The following PCDH7 variants were observed in gnomAD, a reference collection of about 807,000 sequenced individuals.
PCDH7 encodes the protein protocadherin 7, also known as protocadherin-7.
In PCDH7, 17 loss-of-function variants were observed where a neutral mutation model predicts 58.9. That is an observed-to-expected ratio of 0.29 (90% CI 0.20 to 0.43). The LOEUF (loss-of-function observed/expected upper bound fraction) is 0.43. Ranked by LOEUF, PCDH7 falls within the 20% of genes least tolerant of loss-of-function variation. PCDH7 has a pLI of 1.00. For synonymous variants in PCDH7, 664 were observed against 616.4 expected, an observed-to-expected ratio of 1.08 and a Z score of -1.14; for missense variants, 1,274 against 1,441.0, an observed-to-expected ratio of 0.88 and a Z score of 1.88.
At chr4:30,911,008 T>A (rs910460255) in intron 1 of PCDH7, among the ~76,000 whole-genome samples, 1 of 152,094 alleles carries the variant, frequency 6.6e-6, no homozygotes, top group Admixed American at 6.6e-5. Flanking sequence ...GTTGTTTGCA[T>A]GGACATGGAT....
At chr4:30,973,200 T>C (rs1254435281) in intron 3 of PCDH7, among the ~76,000 whole-genome samples, 5 of 152,146 alleles carry the variant, frequency 3.3e-5, no homozygotes. Context: ...TGAAAAGACC[T>C]CTAGATTGAA....
chr4:31,061,727 A>G (rs1176391628), intron 3 of PCDH7, among the ~76,000 whole-genome samples: 1 of 151,736 alleles, frequency 6.6e-6, no homozygotes, highest in Non-Finnish European at 1.5e-5. Context: ...TTCTGGAATA[A>G]CTGCAACTCC....
At chr4:30,966,386 T>G (rs1748995530) in intron 3 of PCDH7, among the ~76,000 whole-genome samples, 1 of 152,272 alleles carries the variant, frequency 6.6e-6, no homozygotes, top group East Asian at 1.9e-4. Flanking sequence ...ATTTTTCTAA[T>G]TATTCATTAG....
chr4:30,813,798 C>T (rs1249041403), intron 1 of PCDH7, among the ~76,000 whole-genome samples: 2 of 152,166 alleles, frequency 1.3e-5, no homozygotes, highest in African/African-American at 4.8e-5. Flanking sequence ...CCTGCCACCA[C>T]ACCCGGCAAA....
intron 1 of PCDH7, among the ~76,000 whole-genome samples, chr4:30,847,089 C>T (rs1363896566): frequency 2.0e-5 from 3 of 151,754 alleles, no homozygotes; most frequent in African/African-American, 4.8e-5. Flanking sequence ...TACCACTGTA[C>T]TCCAGCCTAG....
chr4:31,065,297 G>A (rs1006238495), intron 3 of PCDH7, among the ~76,000 whole-genome samples: 11 of 151,962 alleles, frequency 7.2e-5, no homozygotes, highest in Admixed American at 2.0e-4. Flanking sequence ...GCAATTCTTC[G>A]GTGAGGTGGA....
At chr4:31,078,026 A>G (rs1759151787) in intron 3 of PCDH7, among the ~76,000 whole-genome samples, 1 of 152,158 alleles carries the variant, frequency 6.6e-6, no homozygotes, top group African/African-American at 2.4e-5. Context: ...TGGAGAAAAA[A>G]GCTGGCTTAT....
intron 1 of PCDH7, among the ~76,000 whole-genome samples, chr4:30,738,424 G>GT (rs1353400735): frequency 6.7e-6 from 1 of 150,358 alleles, no homozygotes; most frequent in Non-Finnish European, 1.5e-5. Flanking sequence ...AATTACTATC[G>GT]TTTTTGTGAA....
chr4:31,137,075 A>G (rs2109343044), intron 3 of PCDH7, among the ~76,000 whole-genome samples: 2 of 152,336 alleles, frequency 1.3e-5, no homozygotes, highest in South Asian at 4.1e-4. Context: ...TTTTTCACTG[A>G]TCTTTTGTTT....
chr4:31,098,728 A>G lies in PCDH7; in HGVS notation c.*8-43745A>G, dbSNP rs974672027. ...GCCTCTGACATGGAATAGATTAACT[A>G]GATATGTACAGTACATGGCCAGCAT... On this transcript the variant is annotated intron_variant, in intron 3 of 3. Transcript: ENST00000509759. Among the ~76,000 whole-genome samples the G allele has an allele frequency of 3.3e-5, 5 of 152,322 alleles. No homozygotes were observed. The East Asian group carries it at 7.7e-4, about 24-fold the overall frequency.
chr4:30,796,993 C>T (rs185695955), intron 1 of PCDH7, among the ~76,000 whole-genome samples: 30 of 150,854 alleles, frequency 2.0e-4, no homozygotes, highest in Admixed American at 1.7e-3. Flanking sequence ...TGGAGTCTGA[C>T]TCAGTAGCCC....
chr4:30,841,340 C>T (rs1731192194), intron 1 of PCDH7, among the ~76,000 whole-genome samples: 2 of 152,002 alleles, frequency 1.3e-5, no homozygotes, highest in Non-Finnish European at 2.9e-5. Context: ...CAAATTTCAT[C>T]TTGATATAAT....
chr4:30,982,027 G>T (rs1312566397), intron 3 of PCDH7, among the ~76,000 whole-genome samples: 1 of 152,106 alleles, frequency 6.6e-6, no homozygotes, highest in Non-Finnish European at 1.5e-5. Context: ...ACAATGTATC[G>T]TGTTCTTGAA....
chr4:30,724,174 G>T, exon 1 of PCDH7: 1 of 1,613,968 alleles, frequency 6.2e-7, no homozygotes, highest in Non-Finnish European at 8.5e-7. Context: ...CGGCAAAAAA[G>T]ATCACGAAGA....
At chr4:30,755,180 A>G (rs1350302830) in intron 1 of PCDH7, among the ~76,000 whole-genome samples, 1 of 152,140 alleles carries the variant, frequency 6.6e-6, no homozygotes, top group African/African-American at 2.4e-5. Context: ...GTGCCATCCT[A>G]TAATATTAAT....
chr4:30,829,282 G>A (rs998467246), intron 1 of PCDH7, among the ~76,000 whole-genome samples: 10 of 151,912 alleles, frequency 6.6e-5, no homozygotes, highest in African/African-American at 2.4e-4. Flanking sequence ...CATTCCACAA[G>A]CATTAATTAA....
At chr4:30,969,974 A>G (rs140046651) in intron 3 of PCDH7, among the ~76,000 whole-genome samples, 31 of 152,268 alleles carry the variant, frequency 2.0e-4, no homozygotes, top group African/African-American at 7.5e-4. Context: ...TGCTTGAATT[A>G]TGTGTTAATT....
At chr4:30,950,265 C>T (rs966016914) in intron 3 of PCDH7, 5 of 152,558 alleles carry the variant, frequency 3.3e-5, no homozygotes, top group Non-Finnish European at 7.3e-5. Context: ...CTGCATTCTC[C>T]ATTAATAGTC....
intron 3 of PCDH7, among the ~76,000 whole-genome samples, chr4:31,096,287 T>A (rs1713969634): frequency 6.6e-6 from 1 of 152,174 alleles, no homozygotes; most frequent in South Asian, 2.1e-4. Context: ...TATGTTTACC[T>A]TTTACCAAGT....
Sources: gnomAD v4.1 joint callset for allele counts (sites outside exome capture counted in the v4.1 genomes callset) on GRCh38, gnomAD v4.1.1 for gene constraint, MANE v1.5 for transcripts, NCBI Gene and HGNC (gene_info 2026-07-23, HGNC 2026-07-21) for gene names.